Variants in KDM4C observed in about 807,000 individuals in gnomAD.
The protein encoded by KDM4C is lysine-specific demethylase 4C.
KDM4C carries 81 observed loss-of-function variants against 129.3 expected under a neutral mutation model. The observed-to-expected ratio is 0.63, with a 90% CI of 0.52 to 0.75. KDM4C has a LOEUF of 0.75. Ranked by LOEUF, KDM4C falls within the 30% of genes least tolerant of loss-of-function variation. The pLI is 0.00. For missense variants in KDM4C, 1,457 were observed against 1,304.0 expected, an observed-to-expected ratio of 1.12 and a Z score of -1.81; for synonymous variants, 573 against 456.1, an observed-to-expected ratio of 1.26 and a Z score of -3.26.
chr9:6,807,651 A>G (rs1217438436), intron 3 of KDM4C, among the ~76,000 whole-genome samples: 1 of 141,514 alleles, frequency 7.1e-6, no homozygotes, highest in Non-Finnish European at 1.5e-5. Flanking sequence ...CCTGGCAACC[A>G]CCCCGTCTGA....
chr9:6,950,417 G>C (rs1228436884), intron 8 of KDM4C, among the ~76,000 whole-genome samples: 2 of 152,082 alleles, frequency 1.3e-5, no homozygotes, highest in East Asian at 3.9e-4. Context: ...TGAGAGTGCA[G>C]CCTCTAGGTA....
intron 17 of KDM4C, chr9:7,077,043 T>A: frequency 1.0e-6 from 1 of 985,516 alleles, no homozygotes; most frequent in Non-Finnish European, 1.2e-6. Context: ...ACAAAGCAAC[T>A]GAACGTATTT....
Position 6,750,378 on chromosome 9 carries a change from G to T in KDM4C, c.49+29381G>T, listed in dbSNP as rs1486409101. 3.3e-5 allele frequency among the ~76,000 whole-genome samples: 5 copies of T among 151,778 alleles called. No individual in the cohort carries two copies. In the East Asian group the frequency reaches 9.7e-4, roughly 29 times the overall value. Reference sequence around the variant, plus strand: ...CGCTTGAACCTGGGAGGTGGAAGTTGCTGTGAGCCGAGATCGTGTCATTGC... The same window carrying T: ...CGCTTGAACCTGGGAGGTGGAAGTTTCTGTGAGCCGAGATCGTGTCATTGC... On this transcript the variant is annotated intron_variant, in intron 1 of 17. Transcript: ENST00000536108.
intron 8 of KDM4C, among the ~76,000 whole-genome samples, chr9:6,967,687 C>T (rs1177977933): frequency 6.6e-6 from 1 of 152,134 alleles, no homozygotes; most frequent in Non-Finnish European, 1.5e-5. Context: ...CTTTCTCTGC[C>T]TTATAATCTC....
intron 19 of KDM4C, among the ~76,000 whole-genome samples, chr9:7,157,390 C>G (rs200386774): frequency 1.3e-5 from 2 of 152,088 alleles, no homozygotes; most frequent in African/African-American, 2.4e-5. Context: ...CCAATACTAT[C>G]TTGAATAGGA....
intron 5 of KDM4C, among the ~76,000 whole-genome samples, chr9:6,865,712 G>A (rs1220318778): frequency 4.0e-5 from 6 of 151,818 alleles, no homozygotes; most frequent in African/African-American, 1.5e-4. Context: ...TTACAGGCAT[G>A]TGCCACCATG....
intron 17 of KDM4C, among the ~76,000 whole-genome samples, chr9:7,055,781 T>G (rs767876119): frequency 8.5e-5 from 13 of 152,198 alleles, no homozygotes; most frequent in Non-Finnish European, 1.8e-4. Flanking sequence ...TATTGAGAGG[T>G]AGAGATAGGG....
chr9:6,984,837 A>T (rs1045579269), intron 10 of KDM4C, among the ~76,000 whole-genome samples: 1 of 152,142 alleles, frequency 6.6e-6, no homozygotes, highest in Non-Finnish European at 1.5e-5. Context: ...TGAAAAGTCA[A>T]CCTAGTGAAA....
At chr9:6,982,005 T>A (rs1816845626) in intron 9 of KDM4C, 1 of 154,282 alleles carries the variant, frequency 6.5e-6, no homozygotes, top group East Asian at 1.9e-4. Context: ...TATAATATTA[T>A]ATATCTTTCC....
At chr9:6,829,919 A>G (rs1288787078) in intron 4 of KDM4C, among the ~76,000 whole-genome samples, 3 of 152,228 alleles carry the variant, frequency 2.0e-5, no homozygotes, top group South Asian at 2.1e-4. Flanking sequence ...TTTGTAAGAT[A>G]TAAAAGCCTG....
At chr9:6,732,524 G>A (rs139706884) in intron 1 of KDM4C, among the ~76,000 whole-genome samples, 2,208 of 151,552 alleles carry the variant, frequency 0.015, 63 homozygotes, top group African/African-American at 0.05. Flanking sequence ...CTGGGATTAC[G>A]GGCATGAGCC....
chr9:7,146,362 C>A (rs888349557), intron 19 of KDM4C, among the ~76,000 whole-genome samples: 1 of 152,110 alleles, frequency 6.6e-6, no homozygotes, highest in Non-Finnish European at 1.5e-5. Context: ...AAGATCTTAA[C>A]CCTTCTGAGA....
chr9:6,907,463 T>C (rs957092951), intron 8 of KDM4C, among the ~76,000 whole-genome samples: 2 of 152,222 alleles, frequency 1.3e-5, no homozygotes, highest in African/African-American at 4.8e-5. Flanking sequence ...TCTGTACATG[T>C]AGAGCTCTGG....
chr9:7,094,382 A>T (rs1020937550), intron 17 of KDM4C, among the ~76,000 whole-genome samples: 1 of 152,098 alleles, frequency 6.6e-6, no homozygotes. Flanking sequence ...GTTTTAGGGT[A>T]CATGTGCACA....
intron 7 of KDM4C, among the ~76,000 whole-genome samples, 188 bp downstream of exon 7, chr9:6,888,251 A>G (rs1330643019): frequency 1.3e-5 from 2 of 152,228 alleles, no homozygotes; most frequent in Non-Finnish European, 2.9e-5. Context: ...AAATATATTT[A>G]CTAGAGATTT....
intron 8 of KDM4C, among the ~76,000 whole-genome samples, chr9:6,958,601 G>C (rs148999560): frequency 1.3e-5 from 2 of 151,074 alleles, no homozygotes; most frequent in East Asian, 3.9e-4. Context: ...AAAAAAAATC[G>C]TATCACACTG....
At chr9:6,844,696 C>T (rs1412478144) in intron 4 of KDM4C, among the ~76,000 whole-genome samples, 1 of 151,378 alleles carries the variant, frequency 6.6e-6, no homozygotes, top group Non-Finnish European at 1.5e-5. Flanking sequence ...ACTGATATTT[C>T]TTTTTTTTTG....
chr9:6,912,074 T>C (rs1819418348), intron 8 of KDM4C, among the ~76,000 whole-genome samples: 1 of 152,188 alleles, frequency 6.6e-6, no homozygotes, highest in Non-Finnish European at 1.5e-5. Flanking sequence ...AACGGGAAGA[T>C]GGCAGGTGAC....
chr9:6,946,171 T>C (rs988244585), intron 8 of KDM4C, among the ~76,000 whole-genome samples: 1 of 152,184 alleles, frequency 6.6e-6, no homozygotes, highest in Non-Finnish European at 1.5e-5. Context: ...ATTGATACTA[T>C]ACATGGAGAG....
Sources: gnomAD v4.1 joint callset for allele counts (sites outside exome capture counted in the v4.1 genomes callset) on GRCh38, gnomAD v4.1.1 for gene constraint, MANE v1.5 for transcripts, NCBI Gene and HGNC (gene_info 2026-07-23, HGNC 2026-07-21) for gene names.